ARHGAP15: variants seen among roughly 807,000 people sequenced by gnomAD.
The protein encoded by ARHGAP15 is rho GTPase-activating protein 15.
In ARHGAP15, 51 loss-of-function variants were observed where a neutral mutation model predicts 63.7. That is an observed-to-expected ratio of 0.80 (90% CI 0.64 to 1.01). The LOEUF (loss-of-function observed/expected upper bound fraction) is 1.01. Ranked by LOEUF, ARHGAP15 falls within the 50% of genes least tolerant of loss-of-function variation. The pLI, the probability that ARHGAP15 is intolerant of heterozygous loss-of-function variation, is 0.00. For missense variants in ARHGAP15, 560 were observed against 564.6 expected (o/e 0.99, Z 0.08); for synonymous variants, 191 against 193.8 (o/e 0.99, Z 0.12).
chr2:143,426,549 C>T (rs548561226), intron 6 of ARHGAP15, among the ~76,000 whole-genome samples: 25 of 152,116 alleles, frequency 1.6e-4, no homozygotes, highest in African/African-American at 4.8e-4. Context: ...TCCTCAGCTG[C>T]TTTGCTCCTT....
At chr2:143,688,419 C>A (rs1255599318) in intron 12 of ARHGAP15, among the ~76,000 whole-genome samples, 1 of 152,156 alleles carries the variant, frequency 6.6e-6, no homozygotes, top group Admixed American at 6.6e-5. Flanking sequence ...CAAATGCCCC[C>A]AGAGCTTTCA....
intron 3 of ARHGAP15, among the ~76,000 whole-genome samples, chr2:143,203,051 A>G (rs1405377289): frequency 6.6e-6 from 1 of 152,034 alleles, no homozygotes; most frequent in Non-Finnish European, 1.5e-5. Flanking sequence ...TTCCTGCTAT[A>G]TTTCATATTG....
At chr2:143,147,745 C>T (rs955752815) in intron 1 of ARHGAP15, among the ~76,000 whole-genome samples, 1 of 151,982 alleles carries the variant, frequency 6.6e-6, no homozygotes, top group African/African-American at 2.4e-5. Context: ...AAGCATTGAA[C>T]ATGTACCTAG....
chr2:143,168,905 C>T (rs1217088440), intron 2 of ARHGAP15, among the ~76,000 whole-genome samples: 5 of 151,986 alleles, frequency 3.3e-5, no homozygotes, highest in Non-Finnish European at 5.9e-5. Flanking sequence ...ATAAAATGAA[C>T]TCTACAAACA....
At chr2:143,659,874 T>C (rs1015849786) in intron 12 of ARHGAP15, among the ~76,000 whole-genome samples, 26 of 150,718 alleles carry the variant, frequency 1.7e-4, no homozygotes, top group African/African-American at 6.3e-4. Flanking sequence ...GTTTAGTCAA[T>C]GCTTTTTATC....
At chr2:143,634,471 C>T (rs1030791947) in intron 12 of ARHGAP15, among the ~76,000 whole-genome samples, 1 of 152,058 alleles carries the variant, frequency 6.6e-6, no homozygotes, top group Non-Finnish European at 1.5e-5. Flanking sequence ...TCATGAAATG[C>T]ACTTATTTAC....
At chr2:143,246,787 G>A (rs1161014290) in intron 5 of ARHGAP15, among the ~76,000 whole-genome samples, 2 of 152,076 alleles carry the variant, frequency 1.3e-5, no homozygotes, top group Non-Finnish European at 2.9e-5. Flanking sequence ...GATTTTAATA[G>A]CATCAGAAAC....
At chr2:143,648,752 G>C (rs1249225690) in intron 12 of ARHGAP15, 1 of 151,948 alleles carries the variant, frequency 6.6e-6, no homozygotes, top group Non-Finnish European at 1.5e-5. Context: ...ACCACGCCCT[G>C]TAGTCACAAA....
intron 2 of ARHGAP15, among the ~76,000 whole-genome samples, chr2:143,158,109 T>A (rs901226395): frequency 6.6e-6 from 1 of 151,916 alleles, no homozygotes; most frequent in Non-Finnish European, 1.5e-5. Context: ...GACTATATAA[T>A]AACACAAGGA....
chr2:143,715,927 AT>A (rs1195419975), intron 13 of ARHGAP15, among the ~76,000 whole-genome samples: 1 of 152,078 alleles, frequency 6.6e-6, no homozygotes, highest in East Asian at 1.9e-4. Context: ...TCCAGTTTCA[AT>A]TTTCTGCATA....
intron 6 of ARHGAP15, among the ~76,000 whole-genome samples, chr2:143,415,370 AG>A (rs1688630322): frequency 6.6e-6 from 1 of 152,206 alleles, no homozygotes. Context: ...ACATAAAAAA[AG>A]GATTGGCAGA....
intron 2 of ARHGAP15, among the ~76,000 whole-genome samples, chr2:143,199,251 G>T (rs140296028): frequency 1.3e-5 from 2 of 151,946 alleles, no homozygotes; most frequent in African/African-American, 4.8e-5. Flanking sequence ...TCATTTAGAC[G>T]TTAATTGAGC....
chr2:143,239,694 T>C (rs939060709), intron 5 of ARHGAP15, among the ~76,000 whole-genome samples: 4 of 152,146 alleles, frequency 2.6e-5, no homozygotes, highest in Non-Finnish European at 4.4e-5. Flanking sequence ...TACAAAAGTT[T>C]TTTTTTAAAA....
chr2:143,260,231 A>C (rs558857625), intron 6 of ARHGAP15, among the ~76,000 whole-genome samples: 1 of 152,272 alleles, frequency 6.6e-6, no homozygotes, highest in African/African-American at 2.4e-5. Context: ...AAATAGTTAA[A>C]ATTTAAGAAA....
intron 13 of ARHGAP15, among the ~76,000 whole-genome samples, chr2:143,758,221 G>A (rs1686645402): frequency 1.3e-5 from 2 of 151,480 alleles, no homozygotes; most frequent in South Asian, 2.1e-4. Context: ...AGCACATTAT[G>A]TATTTTTTAT....
intron 6 of ARHGAP15, among the ~76,000 whole-genome samples, chr2:143,421,190 A>G (rs966814113): frequency 1.3e-5 from 2 of 152,164 alleles, no homozygotes; most frequent in Non-Finnish European, 2.9e-5. Context: ...TAGAAAACCT[A>G]GAGTCTAAGC....
At chr2:143,510,941 C>A (rs1340906335) in intron 9 of ARHGAP15, among the ~76,000 whole-genome samples, 1 of 152,134 alleles carries the variant, frequency 6.6e-6, no homozygotes, top group African/African-American at 2.4e-5. Context: ...ATGATAAAAC[C>A]GTCACATTAT....
intron 6 of ARHGAP15, among the ~76,000 whole-genome samples, chr2:143,307,861 G>T (rs1362801470): frequency 6.6e-6 from 1 of 151,930 alleles, no homozygotes; most frequent in East Asian, 1.9e-4. Flanking sequence ...AAGAAAAAAA[G>T]TTCCATTTAA....
At chr2:143,386,519 C>G (rs547543379) in intron 6 of ARHGAP15, among the ~76,000 whole-genome samples, 1 of 152,216 alleles carries the variant, frequency 6.6e-6, no homozygotes, top group South Asian at 2.1e-4. Flanking sequence ...ATACTAGGCT[C>G]TTCAGGTAAA....
Sources: allele counts gnomAD v4.1 joint callset (sites outside exome capture counted in the v4.1 genomes callset), GRCh38; gene constraint gnomAD v4.1.1; transcripts MANE v1.5; gene names NCBI Gene and HGNC (gene_info 2026-07-23, HGNC 2026-07-21).